DORIP1: variants seen among roughly 807,000 people sequenced by gnomAD.
DORIP1 encodes dopamine receptor-interacting protein 1.
the DORIP1 span, chr14:44,900,351 GATTT>G: frequency 1.3e-5 from 16 of 1,229,020 alleles, no homozygotes; most frequent in Admixed American, 1.6e-4. Context: ...TCTTTAGATG[GATTT>G]ATTTTCGTTT....
the DORIP1 span, chr14:44,906,607 A>C: frequency 6.6e-6 from 1 of 152,602 alleles, no homozygotes; most frequent in African/African-American, 2.4e-5. Flanking sequence ...CCCTAAGGTC[A>C]CTCTTCTTTT....
the DORIP1 span, chr14:44,900,579 T>G: frequency 6.2e-7 from 1 of 1,611,458 alleles, no homozygotes. Context: ...CACCACTCTA[T>G]GTTGAAATAA....
chr14:44,900,936 TCAG>T, the DORIP1 span: 1 of 1,593,874 alleles, frequency 6.3e-7, no homozygotes, highest in Non-Finnish European at 8.5e-7. Context: ...TGCAGGAGGA[TCAG>T]CAGCGCACAA....
At chr14:44,900,880 A>G in the DORIP1 span, 6 of 1,613,986 alleles carry the variant, frequency 3.7e-6, no homozygotes, top group South Asian at 1.1e-5. Flanking sequence ...TCTCATGTCT[A>G]CCATTCAAGA....
the DORIP1 span, among the ~76,000 whole-genome samples, chr14:44,898,199 T>A: frequency 1.3e-5 from 2 of 152,194 alleles, no homozygotes; most frequent in Non-Finnish European, 2.9e-5. Flanking sequence ...GTAAAGCTCT[T>A]CACAGCTATC....
chr14:44,900,626 T>A, the DORIP1 span: 2 of 1,606,780 alleles, frequency 1.2e-6, no homozygotes, highest in Non-Finnish European at 8.5e-7. Flanking sequence ...GGATTCTTGA[T>A]GTTATTATAT....
chr14:44,902,449 C>G, the DORIP1 span, among the ~76,000 whole-genome samples: 1 of 152,258 alleles, frequency 6.6e-6, no homozygotes, highest in South Asian at 2.1e-4. Context: ...TGTCTCAGCA[C>G]CCCCAAGTAG....
At chr14:44,905,734 A>AT in the DORIP1 span, 8 of 369,150 alleles carry the variant, frequency 2.2e-5, no homozygotes, top group African/African-American at 4.2e-5. Flanking sequence ...AATGTTTGTA[A>AT]TTTTTTTATA....
the DORIP1 span, chr14:44,903,301 G>C: frequency 6.2e-7 from 1 of 1,605,088 alleles, no homozygotes; most frequent in Admixed American, 1.7e-5. Context: ...GCATGGGTGA[G>C]TATACAATAG....
the DORIP1 span, chr14:44,903,145 T>C: frequency 1.7e-6 from 2 of 1,205,616 alleles, no homozygotes; most frequent in South Asian, 1.3e-5. Flanking sequence ...TAAAATTTGT[T>C]ATAATATATT....
the DORIP1 span, among the ~76,000 whole-genome samples, chr14:44,902,410 G>A: frequency 4.2e-3 from 637 of 152,170 alleles, 7 homozygotes; most frequent in African/African-American, 0.015. Context: ...TCACTGCAAC[G>A]TTGACTTCCT....
the DORIP1 span, chr14:44,900,486 C>A: frequency 1.3e-6 from 2 of 1,568,918 alleles, no homozygotes; most frequent in African/African-American, 1.4e-5. Flanking sequence ...ATAACTATAA[C>A]CAAGATCGAT....
chr14:44,900,765 G>A, the DORIP1 span: 2 of 1,613,998 alleles, frequency 1.2e-6, no homozygotes, highest in Non-Finnish European at 1.7e-6. Context: ...TTTGGATTTG[G>A]GACAAGATGG....
the DORIP1 span, among the ~76,000 whole-genome samples, chr14:44,898,096 AG>A: frequency 6.6e-6 from 1 of 152,152 alleles, no homozygotes; most frequent in East Asian, 1.9e-4. Flanking sequence ...TTCAAATTGG[AG>A]GGCCCGTAGA....
chr14:44,901,229 C>T, the DORIP1 span, among the ~76,000 whole-genome samples: 1 of 152,134 alleles, frequency 6.6e-6, no homozygotes, highest in Non-Finnish European at 1.5e-5. Context: ...CATATAGCCT[C>T]GGTGTGTAAA....
chr14:44,904,394 G>A, the DORIP1 span: 3 of 1,609,334 alleles, frequency 1.9e-6, no homozygotes, highest in African/African-American at 4.0e-5. Flanking sequence ...TTCTATTTTA[G>A]GTGTGGTGGC....
the DORIP1 span, chr14:44,901,001 T>G: frequency 6.6e-7 from 1 of 1,524,576 alleles, no homozygotes; most frequent in Non-Finnish European, 8.8e-7. Flanking sequence ...TTACTTTTTT[T>G]AATGAATGTT....
chr14:44,902,195 T>C, the DORIP1 span, among the ~76,000 whole-genome samples: 3 of 152,230 alleles, frequency 2.0e-5, no homozygotes, highest in Admixed American at 6.5e-5. Flanking sequence ...CTCAGAAGTG[T>C]TGCAGTGATC....
chr14:44,904,149 C>G, the DORIP1 span: 2 of 985,068 alleles, frequency 2.0e-6, no homozygotes, highest in East Asian at 1.1e-4. Context: ...TAGGCTTATA[C>G]AGAAATAGCC....
Sources: allele counts gnomAD v4.1 joint callset (sites outside exome capture counted in the v4.1 genomes callset), GRCh38; gene constraint gnomAD v4.1.1; transcripts MANE v1.5; gene names NCBI Gene and HGNC (gene_info 2026-07-23, HGNC 2026-07-21).